The following NUP133 variants were observed in gnomAD, a reference collection of about 807,000 sequenced individuals.
NUP133 encodes the protein nucleoporin 133.
In NUP133, 66 loss-of-function variants were observed where a neutral mutation model predicts 146.2. That is an observed-to-expected ratio of 0.45 (90% CI 0.37 to 0.55). The LOEUF (loss-of-function observed/expected upper bound fraction) is 0.55. Ranked by LOEUF, NUP133 falls within the 20% of genes least tolerant of loss-of-function variation. NUP133 has a pLI of 0.00. For missense variants in NUP133, 1,277 were observed against 1,374.8 expected, an observed-to-expected ratio of 0.93 and a Z score of 1.12; for synonymous variants, 521 against 498.8, an observed-to-expected ratio of 1.04 and a Z score of -0.59.
chr1:229,495,850 C>T, intron 7 of NUP133, 42 bp downstream of exon 7: 6 of 1,478,048 alleles, frequency 4.1e-6, no homozygotes, highest in Non-Finnish European at 5.5e-6. Flanking sequence ...TATCATACAA[C>T]CATAAACATG....
At chr1:229,453,098 G>T (rs370428540) in intron 21 of NUP133, among the ~76,000 whole-genome samples, 14 of 152,056 alleles carry the variant, frequency 9.2e-5, no homozygotes, top group East Asian at 7.7e-4. Context: ...AAAAATCCCA[G>T]CATAACTTTT....
chr1:229,443,207 T>C (rs1660222762), intron 25 of NUP133, among the ~76,000 whole-genome samples: 1 of 151,778 alleles, frequency 6.6e-6, no homozygotes, highest in Non-Finnish European at 1.5e-5. Flanking sequence ...AGCTAATTTT[T>C]TTTTTTTTTT....
rs370204608 is a variant in NUP133 at position 229,463,577 on chromosome 1, C to T, written c.2651G>A (p.Arg884Gln). 6.8e-6 allele frequency: 11 copies of T among 1,613,908 alleles called. No individual in the cohort carries two copies. The highest frequency in any genetic ancestry group is 6.7e-5 in the African/African-American group (5 of 74,886). The change falls in exon 19 of 26, where the codon CGA (arginine) becomes CAA (glutamine). Residue 884 changes from arginine to glutamine, a missense_variant. Transcript: ENST00000261396. ...AAACTGGGTCATGTAGCGCTGGAGT[C>T]GGCTCTGGTTGTCAGTCTGCTCACA... is the stretch of plus-strand genomic sequence containing the variant. ...QMCEQTDNQS[R>Q]LQRYMTQFAD...
intron 14 of NUP133, among the ~76,000 whole-genome samples, chr1:229,472,707 C>CATACATACATATATATATATATATAT (rs58951309): frequency 4.7e-4 from 58 of 124,298 alleles, no homozygotes; most frequent in African/African-American, 1.7e-3. Context: ...ACTAAATATA[C>CATACATACATATATATATATATATAT]ATATATATAT....
chr1:229,460,845 T>C, intron 19 of NUP133, 76 bp from the exon 20 acceptor site: 1 of 1,287,534 alleles, frequency 7.8e-7, no homozygotes, highest in Non-Finnish European at 1.1e-6. Flanking sequence ...CATAACTTTG[T>C]TCTAAAGGCC....
chr1:229,459,129 A>G (rs1478997145), intron 20 of NUP133, among the ~76,000 whole-genome samples: 1 of 152,220 alleles, frequency 6.6e-6, no homozygotes, highest in Non-Finnish European at 1.5e-5. Context: ...TCAAATACCT[A>G]TCACTGTGGT....
Position 229,506,160 on chromosome 1 carries a change from T to C in NUP133, c.183-2A>G. The C allele has an allele frequency of 6.4e-7, 1 of 1,559,032 alleles. No individual in the cohort carries two copies. Among genetic ancestry groups the C allele is most frequent in the Non-Finnish European group, 8.8e-7 (1 of 1,132,608 alleles). ...GGGAACATTCGTGTTGGTGTTCCCC[T>C]AAAGAAAAGAGTCTATATTACCTTA... On this transcript the variant is annotated splice_acceptor_variant, in intron 1 of 25. Coordinates refer to ENST00000261396, the MANE Select transcript of NUP133 (RefSeq NM_018230.3). LOFTEE classifies it high-confidence loss of function.
intron 21 of NUP133, among the ~76,000 whole-genome samples, chr1:229,455,096 A>G (rs941852910): frequency 6.6e-6 from 1 of 152,176 alleles, no homozygotes; most frequent in Admixed American, 6.6e-5. Context: ...TTGAAATCCC[A>G]ATTCTTTCTA....
intron 1 of NUP133, among the ~76,000 whole-genome samples, chr1:229,506,449 GTTTT>G (rs35852954): frequency 9.3e-6 from 1 of 107,442 alleles, no homozygotes; most frequent in Non-Finnish European, 2.0e-5. Context: ...CTAGACCAGT[GTTTT>G]TTTTTTTTTT....
chr1:229,478,909 C>T (rs73095925), intron 12 of NUP133, among the ~76,000 whole-genome samples: 6,988 of 152,166 alleles, frequency 0.046, 431 homozygotes, highest in African/African-American at 0.12. Context: ...AGAGAAAAAT[C>T]CAGTTAGGAG....
At chr1:229,495,836 G>T (rs1411930927) in intron 7 of NUP133, 56 bp downstream of exon 7, 26 of 1,365,148 alleles carry the variant, frequency 1.9e-5, no homozygotes, top group Non-Finnish European at 2.6e-5. Context: ...AAGGGAACCA[G>T]CATTATCATA....
chr1:229,481,896 T>C lies in NUP133; in HGVS notation c.1592+2158A>G, dbSNP rs370477115. Among the ~76,000 whole-genome samples, 7 of 152,254 alleles carry C rather than the reference T, an allele frequency of 4.6e-5. No individual in the cohort carries two copies. In the East Asian group the frequency reaches 5.8e-4, roughly 13 times the overall value. ...CTCTCAGACTTCTGGCCTCCAGAAC[T>C]GTGAGAGAAGACACTTGCGTTGTTT... On this transcript the variant is annotated intron_variant, in intron 12 of 25. Coordinates refer to ENST00000261396, the MANE Select transcript of NUP133 (RefSeq NM_018230.3).
chr1:229,442,781 C>T (rs12740478), intron 25 of NUP133, among the ~76,000 whole-genome samples: 1 of 150,278 alleles, frequency 6.7e-6, no homozygotes, highest in East Asian at 1.9e-4. Context: ...TCTCGGCTCA[C>T]AGCAACCTCT....
intron 19 of NUP133, among the ~76,000 whole-genome samples, chr1:229,462,375 TA>T (rs1660712443): frequency 6.6e-6 from 1 of 152,216 alleles, no homozygotes; most frequent in South Asian, 2.1e-4. Flanking sequence ...ACCAAATGCT[TA>T]AAAGGTTCTC....
Position 229,456,754 on chromosome 1 carries a change from T to C in NUP133, c.2980+1407A>G, listed in dbSNP as rs948041126. Among the ~76,000 whole-genome samples, 6 of 151,626 alleles carry C rather than the reference T, an allele frequency of 4.0e-5. No homozygotes were observed. The East Asian group carries it at 5.8e-4, about 15-fold the overall frequency. ...TATATGTGTATTGTGTATATATATA[T>C]ACACACAATTTTATATATACACACA... On this transcript the variant is annotated intron_variant, in intron 21 of 25. Transcript: ENST00000261396.
chr1:229,455,230 C>A (rs1417954753), intron 21 of NUP133, among the ~76,000 whole-genome samples: 1 of 152,172 alleles, frequency 6.6e-6, no homozygotes, highest in African/African-American at 2.4e-5. Flanking sequence ...TGATCCAAAC[C>A]ACATAGCTGA....
Position 229,496,066 on chromosome 1 carries a change from G to A in NUP133, c.820-19C>T, listed in dbSNP as rs771726782. 38 of 1,538,748 alleles carry A rather than the reference G, an allele frequency of 2.5e-5. No homozygotes were observed. The highest frequency in any genetic ancestry group is 3.0e-5 in the Non-Finnish European group (35 of 1,148,464). Reference sequence around the variant, plus strand: ...TTGAAAGCTATTCAGAAAAGAAAAGGAAGTCAAATTCACAGATTAACTTCT... The same window carrying A: ...TTGAAAGCTATTCAGAAAAGAAAAGAAAGTCAAATTCACAGATTAACTTCT... On this transcript the variant is annotated intron_variant, in intron 6 of 25. Transcript: ENST00000261396.
chr1:229,465,157 C>T (rs575843352), intron 17 of NUP133, among the ~76,000 whole-genome samples: 1 of 152,252 alleles, frequency 6.6e-6, no homozygotes, highest in East Asian at 1.9e-4. Flanking sequence ...TCCATACCTC[C>T]GGGGCCAGGA....
chr1:229,495,260 G>A (rs1358926762), intron 8 of NUP133, among the ~76,000 whole-genome samples: 1 of 152,022 alleles, frequency 6.6e-6, no homozygotes, highest in Non-Finnish European at 1.5e-5. Flanking sequence ...GTGTGGTGGC[G>A]CATGCTTGCA....
Sources: gnomAD v4.1 joint callset for allele counts (sites outside exome capture counted in the v4.1 genomes callset) on GRCh38, gnomAD v4.1.1 for gene constraint, MANE v1.5 for transcripts, NCBI Gene and HGNC (gene_info 2026-07-23, HGNC 2026-07-21) for gene names.